Variants in ZNF577 observed in about 807,000 individuals in gnomAD.
The protein encoded by ZNF577 is zinc finger protein 577.
Under a neutral mutation model 13.9 loss-of-function variants are expected in ZNF577, and 14 were observed. The ratio of observed to expected loss-of-function variants is 1.00; its 90% CI spans 0.66 to 1.57. The LOEUF is 1.57. Ranked by LOEUF, ZNF577 falls within the 40% of genes most tolerant of loss-of-function variation. The pLI, the probability that ZNF577 is intolerant of heterozygous loss-of-function variation, is 0.00. For missense variants in ZNF577, 555 were observed against 579.2 expected, an observed-to-expected ratio of 0.96 and a Z score of 0.43; for synonymous variants, 203 against 202.9, an observed-to-expected ratio of 1.00 and a Z score of 0.00.
intron 5 of ZNF577, chr19:51,860,405 A>T (rs1218098102): frequency 1.3e-5 from 2 of 152,414 alleles, no homozygotes. Context: ...CTGAAGCAGA[A>T]TAGATATGGC....
intron 10 of ZNF577, among the ~76,000 whole-genome samples, chr19:51,809,945 G>GAAAT (rs775209224): frequency 1.2e-4 from 18 of 152,144 alleles, no homozygotes; most frequent in Non-Finnish European, 1.8e-4. Context: ...CCAGCAGGGG[G>GAAAT]GTGCCATTCT....
At chr19:51,852,407 C>T (rs1321052934) in intron 5 of ZNF577, among the ~76,000 whole-genome samples, 1 of 152,196 alleles carries the variant, frequency 6.6e-6, no homozygotes, top group Non-Finnish European at 1.5e-5. Context: ...ATAGCATTTC[C>T]GTGATCCCAC....
In ZNF577 at chr19:51,877,281, C is replaced by T; in HGVS notation, c.283+1G>A. The T allele has an allele frequency of 6.2e-7, 1 of 1,613,636 alleles. No individual in the cohort carries two copies. Among genetic ancestry groups the T allele is most frequent in the East Asian group, 2.2e-5 (1 of 44,852 alleles). On this transcript the variant is annotated splice_donor_variant, in intron 5 of 5. Transcript: ENST00000638348. LOFTEE classifies it high-confidence loss of function. ...CATTTTCTTAGTTTTCACTCACTTA[C>T]CTGGACAGATTTGACTGTGGGCTGC...
At chr19:51,820,853 T>C (rs920730627) in intron 9 of ZNF577, among the ~76,000 whole-genome samples, 1 of 152,224 alleles carries the variant, frequency 6.6e-6, no homozygotes, top group African/African-American at 2.4e-5. Flanking sequence ...GGTTAGTCAA[T>C]ATTCACCGTG....
chr19:51,864,565 G>A (rs2084538938), downstream of ZNF577, among the ~76,000 whole-genome samples: 1 of 152,180 alleles, frequency 6.6e-6, no homozygotes, highest in Non-Finnish European at 1.5e-5. Context: ...ATAACTGTTA[G>A]AGAAAGGAGT....
At chr19:51,830,750 T>C (rs1443866365) in intron 9 of ZNF577, among the ~76,000 whole-genome samples, 1 of 152,218 alleles carries the variant, frequency 6.6e-6, no homozygotes, top group African/African-American at 2.4e-5. Context: ...GGCTCTTTTC[T>C]GACTTTTAAA....
intron 10 of ZNF577, among the ~76,000 whole-genome samples, chr19:51,810,157 T>C (rs2122442081): frequency 6.6e-6 from 1 of 152,336 alleles, no homozygotes; most frequent in Admixed American, 6.5e-5. Context: ...CTTGGCTCCT[T>C]TTAGATTTGT....
chr19:51,813,162 C>CA (rs1407461186), intron 9 of ZNF577, among the ~76,000 whole-genome samples: 19 of 135,050 alleles, frequency 1.4e-4, no homozygotes, highest in Non-Finnish European at 2.2e-4. Context: ...ACACACACAC[C>CA]CCATAAATTT....
At chr19:51,877,225 G>A (rs963683782) in intron 5 of ZNF577, 57 bp downstream of exon 5, 15 of 1,481,662 alleles carry the variant, frequency 1.0e-5, no homozygotes, top group South Asian at 8.0e-5. Context: ...ACCCTTCTCC[G>A]ACCAGCTGGG....
intron 10 of ZNF577, among the ~76,000 whole-genome samples, chr19:51,810,304 G>A (rs559625149): frequency 2.6e-5 from 4 of 152,128 alleles, no homozygotes; most frequent in South Asian, 2.1e-4. Flanking sequence ...TACAATCCGC[G>A]TTTGCATCCT....
At chr19:51,879,533 C>T (rs1339520034) in intron 3 of ZNF577, among the ~76,000 whole-genome samples, 1 of 152,126 alleles carries the variant, frequency 6.6e-6, no homozygotes, top group East Asian at 1.9e-4. Context: ...TGCGCCACTG[C>T]ACTCCAGCTC....
chr19:51,884,203 G>A (rs2084907742), intron 1 of ZNF577, among the ~76,000 whole-genome samples: 1 of 149,498 alleles, frequency 6.7e-6, no homozygotes, highest in South Asian at 2.2e-4. Context: ...CTTGAGCCCA[G>A]GAGTTCAAGA....
chr19:51,823,884 C>A, intron 9 of ZNF577: 1 of 1,614,110 alleles, frequency 6.2e-7, no homozygotes, highest in South Asian at 1.1e-5. Context: ...GGGCAATGGG[C>A]TTGTGATCTG....
chr19:51,839,657 T>G (rs1327918784), intron 9 of ZNF577: 1 of 152,220 alleles, frequency 6.6e-6, no homozygotes, highest in Non-Finnish European at 1.5e-5. Flanking sequence ...CCATCACCGA[T>G]AGCCATAATG....
intron 1 of ZNF577, among the ~76,000 whole-genome samples, chr19:51,883,016 A>G (rs1209143135): frequency 6.9e-6 from 1 of 145,514 alleles, no homozygotes; most frequent in Non-Finnish European, 1.5e-5. Flanking sequence ...TTTTTTTGAG[A>G]AGGAGTCTCA....
At chr19:51,818,595 A>G (rs1368607349) in intron 9 of ZNF577, among the ~76,000 whole-genome samples, 2 of 152,244 alleles carry the variant, frequency 1.3e-5, no homozygotes, top group Non-Finnish European at 2.9e-5. Flanking sequence ...TGAGGACAAG[A>G]TATTTAAGCT....
intron 4 of ZNF577, 26 bp downstream of exon 4, chr19:51,878,363 G>T (rs17778649): frequency 2.5e-5 from 41 of 1,609,550 alleles, no homozygotes; most frequent in Non-Finnish European, 3.3e-5. Flanking sequence ...GAAAGAAAAG[G>T]TAAGTGACGG....
intron 1 of ZNF577, among the ~76,000 whole-genome samples, chr19:51,882,002 C>T (rs117613315): frequency 1.3e-5 from 2 of 152,290 alleles, no homozygotes; most frequent in East Asian, 3.9e-4. Context: ...TTTTCTGACC[C>T]ACTGGTAAAC....
chr19:51,853,201 T>A (rs1194329259), intron 5 of ZNF577, among the ~76,000 whole-genome samples: 1 of 152,202 alleles, frequency 6.6e-6, no homozygotes, highest in Non-Finnish European at 1.5e-5. Context: ...CTTCCCAAAG[T>A]GCTGGGATTA....
Sources: gnomAD v4.1 joint callset for allele counts (sites outside exome capture counted in the v4.1 genomes callset) on GRCh38, gnomAD v4.1.1 for gene constraint, MANE v1.5 for transcripts, NCBI Gene and HGNC (gene_info 2026-07-23, HGNC 2026-07-21) for gene names.